The following PIEZO2 variants were observed in gnomAD, a reference collection of about 807,000 sequenced individuals.
PIEZO2 encodes piezo type mechanosensitive ion channel component 2.
In PIEZO2, 172 loss-of-function variants were observed where a neutral mutation model predicts 337.3. That is an observed-to-expected ratio of 0.51 (90% CI 0.45 to 0.58). The LOEUF (loss-of-function observed/expected upper bound fraction) is 0.58, where lower values mean the gene tolerates loss of function less well. PIEZO2 is among the 20% of genes least tolerant of loss of function. PIEZO2 has a pLI of 0.00. For synonymous variants in PIEZO2, 1,251 were observed against 1,228.5 expected, an observed-to-expected ratio of 1.02 and a Z score of -0.38; for missense variants, 3,028 against 3,391.3, an observed-to-expected ratio of 0.89 and a Z score of 2.66.
chr18:10,869,405 A>G (rs1158939559), intron 5 of PIEZO2, among the ~76,000 whole-genome samples: 3 of 152,186 alleles, frequency 2.0e-5, no homozygotes, highest in Admixed American at 6.5e-5. Flanking sequence ...ACCATGGCAC[A>G]TATATACCTA....
rs1431103152 is a variant in PIEZO2, at chr18:11,116,594, T to A, written c.64+31931A>T. On this transcript the variant is annotated intron_variant, in intron 1 of 55. Transcript: ENST00000674853. This position sits in a 1 kb window ranked among gnomAD's most constrained non-coding sequence, Gnocchi z 5.0. ...GCCGGGCGTGGTGGCGGGGGGCCTG[T>A]AGTCCCAGCTACTCGGGAGGCTGAG... is the stretch of plus-strand genomic sequence containing the variant. 1.3e-5 allele frequency among the ~76,000 whole-genome samples: 2 copies of A among 151,860 alleles called. No homozygotes were observed. The highest frequency in any genetic ancestry group is 4.8e-5 in the African/African-American group (2 of 41,308).
chr18:10,829,201 G>A (rs1222504751), intron 7 of PIEZO2, among the ~76,000 whole-genome samples: 1 of 151,868 alleles, frequency 6.6e-6, no homozygotes, highest in African/African-American at 2.4e-5. Context: ...ATTTAACTCA[G>A]TGTTTCTCAA....
chr18:10,786,292 G>A (rs1226372735), intron 16 of PIEZO2, among the ~76,000 whole-genome samples: 1 of 152,192 alleles, frequency 6.6e-6, no homozygotes, highest in Non-Finnish European at 1.5e-5. Flanking sequence ...AAGATCTACA[G>A]GGCTTAGATT....
Position 10,854,065 on chromosome 18 carries a change from C to T in PIEZO2, c.917+1288G>A, listed in dbSNP as rs2041632220. Among the ~76,000 whole-genome samples, 1 of 152,094 alleles carries T rather than the reference C, an allele frequency of 6.6e-6. No individual in the cohort carries two copies. The highest frequency in any genetic ancestry group is 1.5e-5 in the Non-Finnish European group (1 of 68,016). Reference sequence around the variant, plus strand: ...TCTCTATGCAGGCCTCTTTTCCATGCTGATTTTTTTTTTAAAGACCCATTC... The same window carrying T: ...TCTCTATGCAGGCCTCTTTTCCATGTTGATTTTTTTTTTAAAGACCCATTC... On this transcript the variant is annotated intron_variant, in intron 7 of 55. Transcript: ENST00000674853. The surrounding 1 kb of genome is among the most constrained non-coding windows in gnomAD (Gnocchi z 4.6).
At chr18:11,053,965 A>G (rs1238859970) in intron 2 of PIEZO2, among the ~76,000 whole-genome samples, 1 of 152,208 alleles carries the variant, frequency 6.6e-6, no homozygotes, top group Non-Finnish European at 1.5e-5. Flanking sequence ...TGGAGGCTGC[A>G]GTGAGCCGAG....
At chr18:10,885,152 T>A (rs895056734) in intron 4 of PIEZO2, among the ~76,000 whole-genome samples, 3 of 151,764 alleles carry the variant, frequency 2.0e-5, no homozygotes, top group Non-Finnish European at 4.4e-5. Flanking sequence ...AAGCCGGGCG[T>A]GGTGGCTCAC....
At chr18:11,095,290 A>G (rs761042052) in intron 1 of PIEZO2, among the ~76,000 whole-genome samples, 1 of 152,220 alleles carries the variant, frequency 6.6e-6, no homozygotes, top group Non-Finnish European at 1.5e-5. Flanking sequence ...GAATCCAGTG[A>G]GAAATAAATA....
intron 2 of PIEZO2, among the ~76,000 whole-genome samples, chr18:11,044,621 T>C (rs1005690795): frequency 6.6e-6 from 1 of 152,236 alleles, no homozygotes; most frequent in African/African-American, 2.4e-5. Context: ...ACTTTCCTTT[T>C]TCAAGCCTCT....
In PIEZO2 at chr18:10,748,528, C is replaced by T. The variant is rs1568013762; in HGVS notation, c.4367G>A (p.Ser1456Asn). Reference sequence around the variant, plus strand: ...AGCCACAACATGTAGAAAATAATAACTCATGAAAACTCTTCTTTGCAGCAG... The same window carrying T: ...AGCCACAACATGTAGAAAATAATAATTCATGAAAACTCTTCTTTGCAGCAG... ...FLLLQRRVFM[S>N]YYFLHVVADI... is the part of the protein sequence containing the mutation. The change falls in exon 30 of 56, where the codon AGT (serine) becomes AAT (asparagine). Residue 1456 changes from serine to asparagine, a missense_variant. Around this residue, in one of 5 missense-constraint regions of PIEZO2, gnomAD observed 1,925 missense variants for 2,051.9 expected, o/e 0.94. Transcript: ENST00000674853. The surrounding 1 kb of genome is among the most constrained non-coding windows in gnomAD (Gnocchi z 5.1). 5 of 1,536,590 alleles carry T rather than the reference C, an allele frequency of 3.3e-6. No individual in the cohort carries two copies. The highest frequency in any genetic ancestry group is 1.2e-5 in the South Asian group (1 of 83,882).
intron 2 of PIEZO2, among the ~76,000 whole-genome samples, chr18:11,036,222 A>C (rs1379967676): frequency 6.6e-6 from 1 of 152,192 alleles, no homozygotes; most frequent in African/African-American, 2.4e-5. Flanking sequence ...TACTTGCTGA[A>C]GAGGTTATAA....
chr18:10,971,019 A>G (rs1432572913), intron 3 of PIEZO2, among the ~76,000 whole-genome samples: 1 of 152,180 alleles, frequency 6.6e-6, no homozygotes, highest in African/African-American at 2.4e-5. Flanking sequence ...CAGAACAAGG[A>G]AAGTCACTGC....
chr18:10,776,531 G>A (rs552343064), intron 18 of PIEZO2, among the ~76,000 whole-genome samples: 4 of 152,130 alleles, frequency 2.6e-5, no homozygotes, highest in South Asian at 2.1e-4. Context: ...TGTCATCAGC[G>A]CCTTCTTTAA....
intron 1 of PIEZO2, among the ~76,000 whole-genome samples, chr18:11,138,670 T>C (rs576227448): frequency 1.9e-3 from 284 of 152,290 alleles, no homozygotes; most frequent in Non-Finnish European, 2.7e-3. Context: ...ACAAGGACTA[T>C]ACAAGGTCCC....
At chr18:10,762,733 G>A in intron 22 of PIEZO2, 108 bp from the exon 23 acceptor site, 1 of 1,385,432 alleles carries the variant, frequency 7.2e-7, no homozygotes, top group Non-Finnish European at 9.7e-7. Context: ...GGATGGGAGG[G>A]ACAGGCCCAT....
rs1297254802 is a variant in PIEZO2 at position 10,945,686 on chromosome 18, C to T, written c.286+33849G>A. 1.3e-5 allele frequency among the ~76,000 whole-genome samples: 2 copies of T among 152,114 alleles called. No individual in the cohort carries two copies. The highest frequency in any genetic ancestry group is 3.9e-4 in the East Asian group (2 of 5,188). ...ATATAAAGAAGCAGAAAATAGGACC[C>T]ATAATCAGCAGAAAAAATCAATCAA... On this transcript the variant is annotated intron_variant, in intron 3 of 55. Transcript: ENST00000674853. The surrounding 1 kb of genome is among the most constrained non-coding windows in gnomAD (Gnocchi z 4.0).
At chr18:10,934,051 A>G (rs1188265677) in intron 3 of PIEZO2, among the ~76,000 whole-genome samples, 1 of 152,272 alleles carries the variant, frequency 6.6e-6, no homozygotes, top group African/African-American at 2.4e-5. Flanking sequence ...GAACAGACTA[A>G]TACAGGTGGT....
intron 3 of PIEZO2, among the ~76,000 whole-genome samples, chr18:10,956,801 CTACTAAAAA>C (rs2033545960): frequency 6.6e-6 from 1 of 151,550 alleles, no homozygotes; most frequent in Non-Finnish European, 1.5e-5. Flanking sequence ...AACCCTGTCT[CTACTAAAAA>C]TACAAAAAAT....
In PIEZO2 at chr18:10,766,995, C is replaced by T. The variant is rs1043463392; in HGVS notation, c.2946+3153G>A. Among the ~76,000 whole-genome samples, 1 of 148,494 alleles carries T rather than the reference C, an allele frequency of 6.7e-6. No individual in the cohort carries two copies. The highest frequency in any genetic ancestry group is 1.5e-5 in the Non-Finnish European group (1 of 66,416). ...TTCCTCCCACCTTCCATTCCCTCCC[C>T]TCCCCTCCCCTCCCCTTCCCTCCCC... On this transcript the variant is annotated intron_variant, in intron 21 of 55. Coordinates refer to ENST00000674853, the MANE Select transcript of PIEZO2 (RefSeq NM_001378183.1). This position sits in a 1 kb window ranked among gnomAD's most constrained non-coding sequence, Gnocchi z 6.1.
chr18:10,876,654 T>C lies in PIEZO2; in HGVS notation c.330-5239A>G, dbSNP rs1391259922. ...TGGATGAGAATTAGAAATAGTCTAG[T>C]CCATTTCCTCATCTTACAGAATGTG... On this transcript the variant is annotated intron_variant, in intron 4 of 55. Transcript: ENST00000674853. Among the ~76,000 whole-genome samples the C allele has an allele frequency of 2.6e-5, 4 of 152,206 alleles. No homozygotes were observed. The South Asian group carries it at 6.2e-4, about 24-fold the overall frequency.
Sources: allele counts gnomAD v4.1 joint callset (sites outside exome capture counted in the v4.1 genomes callset), GRCh38; gene constraint gnomAD v4.1.1; regional missense constraint gnomAD v4.1.1; non-coding constraint Gnocchi (gnomAD v3.1); transcripts MANE v1.5; gene names NCBI Gene and HGNC (gene_info 2026-07-23, HGNC 2026-07-21).